FCN2: variants seen among roughly 807,000 people sequenced by gnomAD.
FCN2 encodes ficolin 2.
A neutral mutation model predicts 32.5 loss-of-function variants in FCN2; 31 were observed. That is an observed-to-expected ratio of 0.96 (90% CI 0.72 to 1.29). The LOEUF (loss-of-function observed/expected upper bound fraction) is 1.29, where lower values mean the gene tolerates loss of function less well. Ranked by LOEUF, FCN2 falls within the 50% of genes most tolerant of loss-of-function variation. FCN2 has a pLI of 0.00. For missense variants in FCN2, 412 were observed against 406.5 expected, an observed-to-expected ratio of 1.01 and a Z score of -0.12; for synonymous variants, 181 against 164.5, an observed-to-expected ratio of 1.10 and a Z score of -0.77.
At chr9:134,881,175 G>A (rs1463870043) in intron 1 of FCN2, among the ~76,000 whole-genome samples, 1 of 152,196 alleles carries the variant, frequency 6.6e-6, no homozygotes, top group Non-Finnish European at 1.5e-5. Flanking sequence ...AGTCTCCCTG[G>A]GCCACATGTC....
the FCN2 span, among the ~76,000 whole-genome samples, chr9:134,873,159 T>A: frequency 0.011 from 1,654 of 151,774 alleles, 39 homozygotes; most frequent in African/African-American, 0.038. Context: ...TTTGAAGAGT[T>A]ATCTCTGTGT....
chr9:134,871,964 C>T, the FCN2 span, among the ~76,000 whole-genome samples: 1 of 150,868 alleles, frequency 6.6e-6, no homozygotes, highest in Non-Finnish European at 1.5e-5. Context: ...TTATCGTGTC[C>T]CCAGGCAACA....
chr9:134,864,320 C>T, the FCN2 span, among the ~76,000 whole-genome samples: 63 of 152,338 alleles, frequency 4.1e-4, no homozygotes, highest in Non-Finnish European at 6.0e-4. Flanking sequence ...CCTTCCCACA[C>T]GGGCCTCAGG....
the FCN2 span, among the ~76,000 whole-genome samples, chr9:134,872,555 A>G: frequency 6.6e-6 from 1 of 152,242 alleles, no homozygotes; most frequent in Non-Finnish European, 1.5e-5. Context: ...TCACAGTTCC[A>G]CGTGGCTGGG....
At chr9:134,869,234 G>A in the FCN2 span, among the ~76,000 whole-genome samples, 1 of 152,206 alleles carries the variant, frequency 6.6e-6, no homozygotes, top group Admixed American at 6.5e-5. Flanking sequence ...GTGACTGTGT[G>A]CACGTGAATC....
At chr9:134,871,287 C>T in the FCN2 span, among the ~76,000 whole-genome samples, 1 of 152,094 alleles carries the variant, frequency 6.6e-6, no homozygotes, top group Non-Finnish European at 1.5e-5. Flanking sequence ...GTTTTCGGGG[C>T]CTGTGGTTTC....
At chr9:134,883,157 G>A in intron 2 of FCN2, 145 bp from the exon 3 acceptor site, 1 of 766,716 alleles carries the variant, frequency 1.3e-6, no homozygotes, top group Non-Finnish European at 2.3e-6. Flanking sequence ...GTGCAGGATG[G>A]GCAAGCCTGG....
the FCN2 span, among the ~76,000 whole-genome samples, chr9:134,875,496 T>C: frequency 6.6e-6 from 1 of 152,180 alleles, no homozygotes; most frequent in South Asian, 2.1e-4. Context: ...AAGAGGAAGC[T>C]GTGTATGTGA....
At chr9:134,870,066 C>T in the FCN2 span, among the ~76,000 whole-genome samples, 2 of 152,238 alleles carry the variant, frequency 1.3e-5, no homozygotes, top group African/African-American at 4.8e-5. This position sits in a 1 kb window ranked among gnomAD's most constrained non-coding sequence, Gnocchi z 4.3. Flanking sequence ...ACTCCGTGGA[C>T]AGCCCCTGGG....
chr9:134,868,384 G>A, the FCN2 span: 28 of 182,314 alleles, frequency 1.5e-4, 2 homozygotes, highest in East Asian at 3.0e-3. The surrounding 1 kb of genome is among the most constrained non-coding windows in gnomAD (Gnocchi z 4.3). Flanking sequence ...GGGGGGGCCC[G>A]TGACAGCTTT....
At chr9:134,872,100 T>G in the FCN2 span, among the ~76,000 whole-genome samples, 5 of 152,214 alleles carry the variant, frequency 3.3e-5, no homozygotes, top group Non-Finnish European at 5.9e-5. Context: ...GTCATGATGT[T>G]GTACTGTGCA....
Position 134,880,933 on chromosome 9 carries a change from C to T in FCN2, c.100+12C>T. The T allele has an allele frequency of 6.3e-7, 1 of 1,595,192 alleles. No homozygotes were observed. Among genetic ancestry groups the T allele is most frequent in the East Asian group, 2.2e-5 (1 of 44,748 alleles). ...AGACACCTGTCCAGGTAAGGGCACTCCAGGGCCTCCTCCTGGAAACTTCTC... is the reference window on the plus strand; with the variant it reads ...AGACACCTGTCCAGGTAAGGGCACTTCAGGGCCTCCTCCTGGAAACTTCTC... On this transcript the variant is annotated intron_variant, in intron 1 of 7. Transcript: ENST00000291744.
intron 1 of FCN2, 150 bp downstream of exon 1, chr9:134,881,071 G>A: frequency 1.5e-6 from 1 of 685,938 alleles, no homozygotes; most frequent in South Asian, 1.6e-5. Flanking sequence ...CTCATCTTAT[G>A]TGAACAAACG....
chr9:134,876,512 T>G (rs1830604861), upstream of FCN2, among the ~76,000 whole-genome samples: 1 of 152,224 alleles, frequency 6.6e-6, no homozygotes, highest in Non-Finnish European at 1.5e-5. Context: ...CACATTATCC[T>G]GATAAACTTC....
the FCN2 span, among the ~76,000 whole-genome samples, chr9:134,873,099 T>C: frequency 0.85 from 129,067 of 151,614 alleles, 55,309 homozygotes; most frequent in East Asian, 0.98. Context: ...CCTTTCACAT[T>C]GTGTGCCTGT....
At chr9:134,878,177 T>A (rs78816930), upstream of FCN2, among the ~76,000 whole-genome samples, 494 of 152,310 alleles carry the variant, frequency 3.2e-3, 1 homozygote, top group African/African-American at 0.011. Context: ...CCTATTGTGA[T>A]CCTGTAAGTT....
At chr9:134,868,373 C>A in the FCN2 span, 2 of 170,960 alleles carry the variant, frequency 1.2e-5, no homozygotes, top group East Asian at 1.5e-4. The surrounding 1 kb of genome is among the most constrained non-coding windows in gnomAD (Gnocchi z 4.3). Context: ...GTGTCTACCT[C>A]GGGGGGGCCC....
chr9:134,885,485 G>C (rs1047341932), intron 5 of FCN2, 119 bp downstream of exon 5: 4 of 1,476,246 alleles, frequency 2.7e-6, no homozygotes, highest in African/African-American at 1.4e-5. Flanking sequence ...AGTCAGAGAT[G>C]ATGGGGGAGA....
At chr9:134,877,262 T>C (rs527851677), upstream of FCN2, among the ~76,000 whole-genome samples, 2 of 152,338 alleles carry the variant, frequency 1.3e-5, no homozygotes, top group South Asian at 4.1e-4. Context: ...TCCTTTTTAG[T>C]GAACATTTCA....
Sources: allele counts gnomAD v4.1 joint callset (sites outside exome capture counted in the v4.1 genomes callset), GRCh38; gene constraint gnomAD v4.1.1; non-coding constraint Gnocchi (gnomAD v3.1); transcripts MANE v1.5; gene names NCBI Gene and HGNC (gene_info 2026-07-23, HGNC 2026-07-21).